The following CDH12 variants were observed in gnomAD, a reference collection of about 807,000 sequenced individuals.
CDH12 encodes the protein cadherin 12.
CDH12 carries 41 observed loss-of-function variants against 74.1 expected under a neutral mutation model. The observed-to-expected ratio is 0.55, with a 90% CI of 0.43 to 0.72. CDH12 has a LOEUF of 0.72. Ranked by LOEUF, CDH12 falls within the 30% of genes least tolerant of loss-of-function variation. The pLI is 0.00. For missense variants in CDH12, 945 were observed against 977.2 expected (o/e 0.97, Z 0.44); for synonymous variants, 399 against 355.0 (o/e 1.12, Z -1.39).
At chr5:22,336,283 C>A (rs1275521877) in intron 3 of CDH12, among the ~76,000 whole-genome samples, 1 of 152,028 alleles carries the variant, frequency 6.6e-6, no homozygotes, top group Non-Finnish European at 1.5e-5. Flanking sequence ...AAATTTTCAG[C>A]CAGACAATGT....
chr5:22,605,706 G>A (rs947647067), intron 1 of CDH12, among the ~76,000 whole-genome samples: 30 of 152,354 alleles, frequency 2.0e-4, no homozygotes, highest in African/African-American at 6.5e-4. Flanking sequence ...GCCTGTGTAG[G>A]GGAAAGTCAG....
At chr5:22,448,190 T>A (rs947663707) in intron 2 of CDH12, among the ~76,000 whole-genome samples, 14 of 151,390 alleles carry the variant, frequency 9.2e-5, no homozygotes, top group African/African-American at 3.4e-4. Flanking sequence ...TGTGTGTGTA[T>A]GTATTAAAGA....
At chr5:22,771,281 G>T (rs1580983780) in intron 1 of CDH12, among the ~76,000 whole-genome samples, 1 of 152,036 alleles carries the variant, frequency 6.6e-6, no homozygotes, top group Non-Finnish European at 1.5e-5. Context: ...CTCCCTTATT[G>T]CAGCAAGTAA....
intron 3 of CDH12, among the ~76,000 whole-genome samples, chr5:22,379,998 A>G (rs984482068): frequency 6.6e-6 from 1 of 152,154 alleles, no homozygotes; most frequent in African/African-American, 2.4e-5. Context: ...GTTTCAAGCA[A>G]TCCTCCTGCC....
chr5:22,612,337 AC>A (rs2126827859), intron 1 of CDH12, among the ~76,000 whole-genome samples: 1 of 152,204 alleles, frequency 6.6e-6, no homozygotes, highest in Admixed American at 6.6e-5. Context: ...GGGAAGCTAT[AC>A]TTTTTGTGCT....
intron 5 of CDH12, among the ~76,000 whole-genome samples, chr5:22,064,439 G>A (rs1741413554): frequency 6.6e-6 from 1 of 152,088 alleles, no homozygotes; most frequent in Non-Finnish European, 1.5e-5. Flanking sequence ...TTAAGAATAA[G>A]TTTTCTTTAC....
chr5:22,197,760 T>C lies in CDH12; in HGVS notation c.-187+14738A>G, dbSNP rs1246644958. Among the ~76,000 whole-genome samples the C allele has an allele frequency of 2.0e-5, 3 of 152,036 alleles. No homozygotes were observed. In the South Asian group the frequency reaches 6.2e-4, roughly 32 times the overall value. On this transcript the variant is annotated intron_variant, in intron 4 of 14. Coordinates refer to ENST00000382254, the MANE Select transcript of CDH12 (RefSeq NM_004061.5). Reference sequence around the variant, plus strand: ...CAATTACTTTATTTCTGGCTCAATGTCTCCCAAGATGATCTCAAACACAAA... The same window carrying C: ...CAATTACTTTATTTCTGGCTCAATGCCTCCCAAGATGATCTCAAACACAAA...
intron 5 of CDH12, among the ~76,000 whole-genome samples, chr5:21,991,671 G>A (rs191987842): frequency 0.016 from 2,473 of 151,140 alleles, 26 homozygotes; most frequent in Middle Eastern, 0.034. Context: ...CCTATTTTTT[G>A]TAGCATCCAT....
At chr5:21,975,833 C>T (rs964477955) in intron 5 of CDH12, among the ~76,000 whole-genome samples, 1 of 152,022 alleles carries the variant, frequency 6.6e-6, no homozygotes, top group South Asian at 2.1e-4. Flanking sequence ...TTTGGGATAA[C>T]ATTTTCATAA....
chr5:22,662,478 T>A (rs140820732), intron 1 of CDH12, among the ~76,000 whole-genome samples: 3 of 152,160 alleles, frequency 2.0e-5, no homozygotes, highest in Non-Finnish European at 4.4e-5. Context: ...AAGATGGACA[T>A]TAACACATAT....
At chr5:21,752,627 G>C (rs1438889685) in intron 14 of CDH12, among the ~76,000 whole-genome samples, 1 of 152,056 alleles carries the variant, frequency 6.6e-6, no homozygotes, top group Non-Finnish European at 1.5e-5. Context: ...CTTCCCAATT[G>C]GAACATTCCT....
At chr5:22,175,642 A>G (rs1440882081) in intron 4 of CDH12, among the ~76,000 whole-genome samples, 1 of 152,146 alleles carries the variant, frequency 6.6e-6, no homozygotes, top group Non-Finnish European at 1.5e-5. Flanking sequence ...TATAGGTTGA[A>G]TGGGACATGC....
chr5:22,426,048 G>A (rs1178856138), intron 2 of CDH12, among the ~76,000 whole-genome samples: 3 of 151,962 alleles, frequency 2.0e-5, no homozygotes, highest in South Asian at 2.1e-4. Context: ...TTAGCTGGGT[G>A]TGGTGGCGGG....
intron 3 of CDH12, among the ~76,000 whole-genome samples, chr5:22,325,714 G>A (rs970192440): frequency 6.6e-5 from 10 of 151,976 alleles, no homozygotes; most frequent in African/African-American, 1.9e-4. Flanking sequence ...GTGAAACCCC[G>A]TCTCTACTAA....
intron 1 of CDH12, among the ~76,000 whole-genome samples, chr5:22,602,368 A>C (rs1033751260): frequency 3.2e-4 from 48 of 152,168 alleles, no homozygotes; most frequent in Non-Finnish European, 1.5e-4. Flanking sequence ...TTTCAGAATA[A>C]TCCAGCAATT....
chr5:22,373,663 T>C (rs1741393350), intron 3 of CDH12, among the ~76,000 whole-genome samples: 1 of 152,166 alleles, frequency 6.6e-6, no homozygotes, highest in Admixed American at 6.5e-5. Flanking sequence ...AGCAAGGAAA[T>C]AACAGATACA....
chr5:22,176,278 C>T (rs1285634014), intron 4 of CDH12, among the ~76,000 whole-genome samples: 1 of 151,892 alleles, frequency 6.6e-6, no homozygotes, highest in Admixed American at 6.6e-5. Context: ...ACATGTAAAT[C>T]CCTTCATTGT....
At chr5:22,353,817 T>C (rs1265197155) in intron 3 of CDH12, among the ~76,000 whole-genome samples, 1 of 152,192 alleles carries the variant, frequency 6.6e-6, no homozygotes, top group Non-Finnish European at 1.5e-5. Context: ...CTCTTAGTGA[T>C]GTGCGTTTAA....
intron 1 of CDH12, among the ~76,000 whole-genome samples, chr5:22,714,932 C>A (rs1056578225): frequency 6.6e-6 from 1 of 152,180 alleles, no homozygotes; most frequent in African/African-American, 2.4e-5. Context: ...AATACTGGTG[C>A]ATCTCGCAGA....
Sources: allele counts gnomAD v4.1 joint callset (sites outside exome capture counted in the v4.1 genomes callset), GRCh38; gene constraint gnomAD v4.1.1; transcripts MANE v1.5; gene names NCBI Gene and HGNC (gene_info 2026-07-23, HGNC 2026-07-21).